The following ADAMTSL4 variants were observed in gnomAD, a reference collection of about 807,000 sequenced individuals.
The protein encoded by ADAMTSL4 is ADAMTS-like protein 4.
A neutral mutation model predicts 122.8 loss-of-function variants in ADAMTSL4; 97 were observed. That is an observed-to-expected ratio of 0.79 (90% CI 0.67 to 0.93). The LOEUF (loss-of-function observed/expected upper bound fraction) is 0.93. Ranked by LOEUF, ADAMTSL4 falls within the 40% of genes least tolerant of loss-of-function variation. ADAMTSL4 has a pLI of 0.00. For synonymous variants in ADAMTSL4, 592 were observed against 568.0 expected (o/e 1.04, Z -0.60); for missense variants, 1,408 against 1,453.5 (o/e 0.97, Z 0.51).
chr1:150,557,406 G>A (rs1344312275), intron 12 of ADAMTSL4, 71 bp downstream of exon 12: 17 of 1,605,360 alleles, frequency 1.1e-5, no homozygotes, highest in African/African-American at 2.7e-5. Flanking sequence ...ATCCTGGATT[G>A]TGGGGCCACG....
rs747545540 is a variant in ADAMTSL4 at position 150,556,996 on chromosome 1, C to A, written c.1807C>A (p.Pro603Thr). The part of the protein sequence containing the change: ...VFYQYVISSP[P>T]PILENPTPEP... Reference sequence around the variant, plus strand: ...TTATCAGTATGTCATCTCTTCACCTCCTCCAATCCTTGAGAACCCCACCCC... The same window carrying A: ...TTATCAGTATGTCATCTCTTCACCTACTCCAATCCTTGAGAACCCCACCCC... Residue 603 changes from proline to threonine, a missense_variant, in exon 11 of 19, where the codon CCT (proline) becomes ACT (threonine). Transcript: ENST00000271643. This position sits in a 1 kb window ranked among gnomAD's most constrained non-coding sequence, Gnocchi z 4.1. 4.3e-6 allele frequency: 7 copies of A among 1,614,154 alleles called. No individual in the cohort carries two copies. The highest frequency in any genetic ancestry group is 5.9e-6 in the Non-Finnish European group (7 of 1,180,006).
rs755212029 is a variant in ADAMTSL4 at position 150,558,568 on chromosome 1, C to T, written c.2478C>T (p.Gly826=). Residue 826 remains glycine, a synonymous_variant, in exon 15 of 19, where the codon GGC becomes GGT. Transcript: ENST00000271643. ...DEVSEQECAS[G]PPQPPSREAC... ...TGAGCGAGCAGGAGTGTGCGTCAGG[C>T]CCCCCGCAGCCCCCCAGCAGAGAGG... 3 of 1,610,600 alleles carry T rather than the reference C, an allele frequency of 1.9e-6. No homozygotes were observed. Among genetic ancestry groups the T allele is most frequent in the Non-Finnish European group, 1.7e-6 (2 of 1,177,136 alleles).
rs2101584216 is a variant in ADAMTSL4 at position 150,553,941 on chromosome 1, G to A, written c.950G>A (p.Trp317Ter). The A allele has an allele frequency of 6.2e-7, 1 of 1,609,866 alleles. No homozygotes were observed. The highest frequency in any genetic ancestry group is 1.7e-5 in the Admixed American group (1 of 59,314). Residue 317 changes from tryptophan (W) to a stop codon, truncating the protein, a stop_gained, in exon 6 of 19, where the codon TGG becomes TAG. Coordinates refer to ENST00000271643, the MANE Select transcript of ADAMTSL4 (RefSeq NM_019032.6). LOFTEE classifies it high-confidence loss of function. Reference sequence around the variant, plus strand: ...CGAGGCCAGCAGGGCCAAGGGCCTTGGGGAACGGGGGGGACTCCTCACGGG... The same window carrying A: ...CGAGGCCAGCAGGGCCAAGGGCCTTAGGGAACGGGGGGGACTCCTCACGGG... ...RGRGQQGQGP[W>*]GTGGTPHGPR...
chr1:150,553,306 T>G, intron 5 of ADAMTSL4, 53 bp downstream of exon 5: 1 of 1,608,138 alleles, frequency 6.2e-7, no homozygotes. Flanking sequence ...GGGCTTAGCA[T>G]GAAGGAAAGG....
chr1:150,557,696 A>G, intron 13 of ADAMTSL4, 73 bp downstream of exon 13: 1 of 1,509,258 alleles, frequency 6.6e-7, no homozygotes, highest in Non-Finnish European at 9.0e-7. Flanking sequence ...ATCTTACCTG[A>G]ACTCTGCACT....
chr1:150,552,914 C>G lies in ADAMTSL4; in HGVS notation c.95C>G (p.Ser32Cys). Residue 32 changes from serine to cysteine, a missense_variant, in exon 5 of 19, where the codon TCT becomes TGT. Coordinates refer to ENST00000271643, the MANE Select transcript of ADAMTSL4 (RefSeq NM_019032.6). This position sits in a 1 kb window ranked among gnomAD's most constrained non-coding sequence, Gnocchi z 4.0. Reference protein sequence around the residue: ...CLDQEVLSGHSLQTPTEEGQG... With the variant: ...CLDQEVLSGHCLQTPTEEGQG... Reference sequence around the variant, plus strand: ...TCTATATAGGTGTTGTCCGGACACTCTCTTCAGACACCTACAGAGGAGGGC... The same window carrying G: ...TCTATATAGGTGTTGTCCGGACACTGTCTTCAGACACCTACAGAGGAGGGC... The G allele has an allele frequency of 1.2e-6, 2 of 1,612,878 alleles. No homozygotes were observed. Among genetic ancestry groups the G allele is most frequent in the Non-Finnish European group, 1.7e-6 (2 of 1,179,970 alleles).
chr1:150,553,767 G>T lies in ADAMTSL4; in HGVS notation c.776G>T (p.Gly259Val). ...LRHHPRAQAS[G>V]TEPPSPTHSL... The stretch of plus-strand genomic sequence containing the variant: ...CATCACCCCAGAGCCCAGGCCTCTG[G>T]CACAGAGCCCCCCTCACCCACGCAC... The change falls in exon 6 of 19, where the codon GGC becomes GTC. Residue 259 changes from glycine (G) to valine (V), a missense_variant. Transcript: ENST00000271643. The T allele has an allele frequency of 6.2e-7, 1 of 1,608,046 alleles. No homozygotes were observed. The highest frequency in any genetic ancestry group is 8.5e-7 in the Non-Finnish European group (1 of 1,174,512).
chr1:150,558,544 G>C lies in ADAMTSL4; in HGVS notation c.2454G>C (p.Val818=). The part of the protein sequence containing the change: ...VRCVGNNGDE[V]SEQECASGPP... ...GTGTTGGGAACAATGGTGATGAAGTGAGCGAGCAGGAGTGTGCGTCAGGCC... is the reference window on the plus strand; with the variant it reads ...GTGTTGGGAACAATGGTGATGAAGTCAGCGAGCAGGAGTGTGCGTCAGGCC... The change falls in exon 15 of 19, where the codon GTG becomes GTC. Residue 818 remains valine, a synonymous_variant. Transcript: ENST00000271643. 1 of 1,613,876 alleles carries C rather than the reference G, an allele frequency of 6.2e-7. No homozygotes were observed.
At chr1:150,557,908 T>C in intron 13 of ADAMTSL4, 37 bp from the exon 14 acceptor site, 1 of 1,589,238 alleles carries the variant, frequency 6.3e-7, no homozygotes, top group Non-Finnish European at 8.5e-7. Flanking sequence ...ATCTCATCTA[T>C]GTCTCCGCCT....
chr1:150,550,333 G>A (rs1160396310), intron 2 of ADAMTSL4: 3 of 452,912 alleles, frequency 6.6e-6, no homozygotes, highest in Admixed American at 4.7e-5. Context: ...GGCCCCTGCC[G>A]GGCTGCGCAG....
chr1:150,556,999 C>T lies in ADAMTSL4; in HGVS notation c.1810C>T (p.Pro604Ser). 6.2e-7 allele frequency: 1 copy of T among 1,614,174 alleles called. No homozygotes were observed. Among genetic ancestry groups the T allele is most frequent in the East Asian group, 2.2e-5 (1 of 44,880 alleles). Reference sequence around the variant, plus strand: ...TCAGTATGTCATCTCTTCACCTCCTCCAATCCTTGAGAACCCCACCCCAGA... The same window carrying T: ...TCAGTATGTCATCTCTTCACCTCCTTCAATCCTTGAGAACCCCACCCCAGA... Reference protein sequence around the residue: ...FYQYVISSPPPILENPTPEPP... With the variant: ...FYQYVISSPPSILENPTPEPP... The change falls in exon 11 of 19, where the codon CCA (proline) becomes TCA (serine). Residue 604 changes from proline to serine, a missense_variant. Transcript: ENST00000271643. This position sits in a 1 kb window ranked among gnomAD's most constrained non-coding sequence, Gnocchi z 4.1.
At chr1:150,557,117 G>T (rs759192703) in intron 11 of ADAMTSL4, 33 bp from the exon 12 acceptor site, 59 of 1,613,036 alleles carry the variant, frequency 3.7e-5, no homozygotes, top group Non-Finnish European at 4.7e-5. Flanking sequence ...GGGGCAGTGG[G>T]GTGGCATCTG....
chr1:150,560,198 A>G lies in ADAMTSL4; in HGVS notation c.*2A>G. On this transcript the variant is annotated 3_prime_UTR_variant, in exon 19 of 19. Transcript: ENST00000271643. ...CGGTCTCCCCAGGATCCCTCCTGAA[A>G]GGGGTCCGGGGCACCTTCACGGTTT... The G allele has an allele frequency of 6.2e-7, 1 of 1,613,880 alleles. No individual in the cohort carries two copies. Among genetic ancestry groups the G allele is most frequent in the Non-Finnish European group, 8.5e-7 (1 of 1,179,938 alleles).
In ADAMTSL4 at chr1:150,553,222, G is replaced by C. The variant is rs1263483529; in HGVS notation, c.403G>C (p.Glu135Gln). The change falls in exon 5 of 19, where the codon GAG (glutamate) becomes CAG (glutamine). Residue 135 changes from glutamate to glutamine, a missense_variant. Coordinates refer to ENST00000271643, the MANE Select transcript of ADAMTSL4 (RefSeq NM_019032.6). ...LRGPASHLGR[E>Q]ETQEIRAARR... Reference sequence around the variant, plus strand: ...AGGTCCCGCTTCCCACCTAGGGAGAGAGGAGACCCAGGAGATTCGAGCGGC... The same window carrying C: ...AGGTCCCGCTTCCCACCTAGGGAGACAGGAGACCCAGGAGATTCGAGCGGC... 1 of 1,608,510 alleles carries C rather than the reference G, an allele frequency of 6.2e-7. No individual in the cohort carries two copies. The highest frequency in any genetic ancestry group is 1.7e-5 in the Admixed American group (1 of 59,526).
rs1231247254 is a variant in ADAMTSL4 at position 150,559,612 on chromosome 1, G to C, written c.2943+146G>C. 6.4e-7 allele frequency: 1 copy of C among 1,551,662 alleles called. No individual in the cohort carries two copies. Among genetic ancestry groups the C allele is most frequent in the Admixed American group, 1.7e-5 (1 of 58,274 alleles). On this transcript the variant is annotated intron_variant, in intron 17 of 18. Coordinates refer to ENST00000271643, the MANE Select transcript of ADAMTSL4 (RefSeq NM_019032.6). The surrounding 1 kb of genome is among the most constrained non-coding windows in gnomAD (Gnocchi z 4.1). ...CCACTGTCCTACTTCTTATAGACTT[G>C]GAGGAAAGATGGGCCCTCTCCATTT... is the stretch of plus-strand genomic sequence containing the variant.
chr1:150,559,009 C>T lies in ADAMTSL4; in HGVS notation c.2607C>T (p.Cys869=), dbSNP rs1445350907. The T allele has an allele frequency of 6.2e-7, 1 of 1,611,700 alleles. No homozygotes were observed. Residue 869 remains cysteine, a synonymous_variant, in exon 16 of 19, where the codon TGC becomes TGT. Transcript: ENST00000271643. The surrounding 1 kb of genome is among the most constrained non-coding windows in gnomAD (Gnocchi z 4.1). ...GTGIQRRSVV[C]LGSGAALGPG... is the part of the protein sequence containing the mutation. ...GAATCCAGCGGCGCTCTGTGGTCTG[C>T]CTTGGGAGTGGGGCAGCCCTCGGGC...
rs749692173 is a variant in ADAMTSL4 at position 150,556,965 on chromosome 1, C to T, written c.1776C>T (p.Gly592=). 2.5e-5 allele frequency: 40 copies of T among 1,613,894 alleles called. No homozygotes were observed. The highest frequency in any genetic ancestry group is 2.2e-4 in the Admixed American group (13 of 60,000). Residue 592 remains glycine, a synonymous_variant, in exon 11 of 19, where the codon GGC becomes GGT. Coordinates refer to ENST00000271643, the MANE Select transcript of ADAMTSL4 (RefSeq NM_019032.6). This position sits in a 1 kb window ranked among gnomAD's most constrained non-coding sequence, Gnocchi z 4.1. ...TGATCTTTCAGGAGGAAAACCCAGG[C>T]GTTTTTTATCAGTATGTCATCTCTT... is the stretch of plus-strand genomic sequence containing the variant. ...VYMIFQEENP[G]VFYQYVISSP... is the part of the protein sequence containing the mutation.
rs1352277575 is a variant in ADAMTSL4 at position 150,556,366 on chromosome 1, G to A, written c.1576G>A (p.Ala526Thr). The A allele has an allele frequency of 1.2e-6, 2 of 1,613,930 alleles. No homozygotes were observed. The highest frequency in any genetic ancestry group is 1.1e-5 in the South Asian group (1 of 91,074). ...GCTCCGGCCTAGCTCCAACTACCTG[G>A]GTGAGCACCCAGCTGCCTCCCCTTC... ...AQLRPSSNYL[A>T]LRGPGGRSII... Residue 526 changes from alanine to threonine, a missense_variant and splice_region_variant, in exon 9 of 19, where the codon GCA becomes ACA. Transcript: ENST00000271643. The surrounding 1 kb of genome is among the most constrained non-coding windows in gnomAD (Gnocchi z 4.1).
chr1:150,559,399 C>T lies in ADAMTSL4; in HGVS notation c.2876C>T (p.Pro959Leu). Residue 959 changes from proline (P) to leucine (L), a missense_variant, in exon 17 of 19, where the codon CCC (proline) becomes CTC (leucine). Transcript: ENST00000271643. The surrounding 1 kb of genome is among the most constrained non-coding windows in gnomAD (Gnocchi z 4.1). ...SPSNCSHLPR[P>L]PALQPCQGQA... ...AGCAACTGTTCTCACCTCCCCAGGC[C>T]CCCTGCCCTGCAGCCCTGTCAAGGG... 1 of 1,613,718 alleles carries T rather than the reference C, an allele frequency of 6.2e-7. No individual in the cohort carries two copies. The highest frequency in any genetic ancestry group is 8.5e-7 in the Non-Finnish European group (1 of 1,180,002).
Sources: gnomAD v4.1 joint callset for allele counts on GRCh38, gnomAD v4.1.1 for gene constraint, Gnocchi (gnomAD v3.1) non-coding constraint, MANE v1.5 for transcripts, NCBI Gene and HGNC (gene_info 2026-07-23, HGNC 2026-07-21) for gene names.